Variants in SLC25A48 observed in about 807,000 individuals in gnomAD.
SLC25A48 encodes solute carrier family 25 member 48, also known as CTC-321K16.1.
A neutral mutation model predicts 32.2 loss-of-function variants in SLC25A48; 29 were observed. That is an observed-to-expected ratio of 0.90 (90% CI 0.67 to 1.23). The LOEUF (loss-of-function observed/expected upper bound fraction) is 1.23, where lower values mean the gene tolerates loss of function less well. Ranked by LOEUF, SLC25A48 falls within the 50% of genes most tolerant of loss-of-function variation. The pLI is 0.00. For missense variants in SLC25A48, 399 were observed against 422.7 expected, an observed-to-expected ratio of 0.94 and a Z score of 0.49; for synonymous variants, 164 against 172.3, an observed-to-expected ratio of 0.95 and a Z score of 0.38.
At chr5:135,708,935 T>A (rs1754587289) in intron 3 of SLC25A48, among the ~76,000 whole-genome samples, 1 of 152,226 alleles carries the variant, frequency 6.6e-6, no homozygotes, top group African/African-American at 2.4e-5. Context: ...ATATGACATT[T>A]GCTTTGCTTA....
intron 3 of SLC25A48, among the ~76,000 whole-genome samples, chr5:135,641,434 G>A (rs1216143577): frequency 6.6e-6 from 1 of 152,182 alleles, no homozygotes; most frequent in Non-Finnish European, 1.5e-5. Flanking sequence ...TGAGAAGAGG[G>A]ACTTGTGGGG....
At chr5:135,766,035 T>C (rs1184082283) in intron 3 of SLC25A48, among the ~76,000 whole-genome samples, 3 of 151,586 alleles carry the variant, frequency 2.0e-5, no homozygotes, top group Non-Finnish European at 4.4e-5. Context: ...ACAGGGGGTG[T>C]GCACCTCCCC....
intron 3 of SLC25A48, among the ~76,000 whole-genome samples, chr5:135,692,174 T>C (rs1313182674): frequency 6.6e-6 from 1 of 151,902 alleles, no homozygotes; most frequent in East Asian, 1.9e-4. Flanking sequence ...AAAAATCAGC[T>C]GGGTGTGGTG....
chr5:135,872,090 T>C, intron 5 of SLC25A48: 1 of 1,025,996 alleles, frequency 9.7e-7, no homozygotes, highest in Non-Finnish European at 1.3e-6. Context: ...GGTTTCCCCA[T>C]TTCACAGATG....
In SLC25A48 at chr5:135,852,473, G is replaced by C. The variant is rs1759951017; in HGVS notation, c.163-90G>C. 7.6e-6 allele frequency: 11 copies of C among 1,442,276 alleles called. No individual in the cohort carries two copies. In the South Asian group the frequency reaches 1.3e-4, roughly 17 times the overall value. The allele number at this position is 1,442,276 out of a possible 1,614,324, so 89.3% of individuals were successfully genotyped here. A position where few individuals can be genotyped will look rare whatever the true frequency, so the allele number is the denominator to read the frequency against. ...CCCTCTCTTCATGGACACATGGGCAGATGTGTCCGGTGGTGTACCCCGTCA... is the reference window on the plus strand; with the variant it reads ...CCCTCTCTTCATGGACACATGGGCACATGTGTCCGGTGGTGTACCCCGTCA... On this transcript the variant is annotated intron_variant, in intron 3 of 7. Coordinates refer to ENST00000681962, the MANE Select transcript of SLC25A48 (RefSeq NM_001349336.2).
intron 3 of SLC25A48, among the ~76,000 whole-genome samples, chr5:135,756,819 A>G (rs1755920475): frequency 6.6e-6 from 1 of 151,864 alleles, no homozygotes; most frequent in Non-Finnish European, 1.5e-5. Context: ...TATCATCTAG[A>G]TGATATTTAT....
chr5:135,600,612 T>G (rs554593211), intron 1 of SLC25A48, among the ~76,000 whole-genome samples: 1 of 152,216 alleles, frequency 6.6e-6, no homozygotes, highest in African/African-American at 2.4e-5. Flanking sequence ...TTTTTCACTG[T>G]TGTGTCCTCA....
intron 3 of SLC25A48, among the ~76,000 whole-genome samples, chr5:135,675,609 G>A (rs1264096962): frequency 1.3e-5 from 2 of 151,952 alleles, no homozygotes; most frequent in African/African-American, 4.8e-5. Flanking sequence ...CTATAATCTT[G>A]TAATATATTT....
intron 3 of SLC25A48, among the ~76,000 whole-genome samples, chr5:135,699,129 G>A (rs1754331947): frequency 1.3e-5 from 2 of 152,158 alleles, no homozygotes; most frequent in South Asian, 2.1e-4. Context: ...AAACGGTTTG[G>A]CAGCATATCT....
At chr5:135,659,786 A>G (rs1191352446) in intron 3 of SLC25A48, among the ~76,000 whole-genome samples, 3 of 152,348 alleles carry the variant, frequency 2.0e-5, no homozygotes, top group South Asian at 4.1e-4. Context: ...ACATCTTCAC[A>G]TAGCAGCAGG....
At position 135,728,486 on chromosome 5, in the gene SLC25A48, C is replaced by T. The variant is rs548478877; in HGVS notation, c.-520-84037C>T. Reference sequence around the variant, plus strand: ...ATTTTAAATCATTTCATACTATTCTCTTATGTGGATACAGCATCATTTATA... The same window carrying T: ...ATTTTAAATCATTTCATACTATTCTTTTATGTGGATACAGCATCATTTATA... On this transcript the variant is annotated intron_variant, in intron 3 of 10. Coordinates refer to the SLC25A48 transcript ENST00000646290. 3.9e-5 allele frequency among the ~76,000 whole-genome samples: 6 copies of T among 152,222 alleles called. No homozygotes were observed. In the South Asian group the frequency reaches 1.2e-3, roughly 32 times the overall value.
In SLC25A48 at chr5:135,668,590, T is replaced by C. The variant is rs535051476; in HGVS notation, c.-521+33634T>C. The stretch of plus-strand genomic sequence containing the variant: ...GTGGAACATAGACATGTATAAGCAC[T>C]GATGTTTTCCTTGAAGGACTCACTG... On this transcript the variant is annotated intron_variant, in intron 3 of 10. Coordinates refer to the SLC25A48 transcript ENST00000646290. Among the ~76,000 whole-genome samples the C allele has an allele frequency of 3.3e-5, 5 of 152,364 alleles. No homozygotes were observed. The East Asian group carries it at 9.6e-4, about 29-fold the overall frequency.
At chr5:135,713,977 C>A (rs944787294) in intron 3 of SLC25A48, among the ~76,000 whole-genome samples, 1 of 152,238 alleles carries the variant, frequency 6.6e-6, no homozygotes, top group African/African-American at 2.4e-5. Context: ...TGAAAGGAAG[C>A]AGCCCCAAAG....
At chr5:135,765,065 C>T (rs1756171978) in intron 3 of SLC25A48, among the ~76,000 whole-genome samples, 1 of 151,062 alleles carries the variant, frequency 6.6e-6, no homozygotes, top group Non-Finnish European at 1.5e-5. Context: ...TCGTAATATC[C>T]AGGGGGAGAA....
rs1237599113 is a variant in SLC25A48, at chr5:135,582,115, C to T, written c.-849+2518C>T. On this transcript the variant is annotated intron_variant, in intron 1 of 10. Transcript: ENST00000646290. ...TACTGGATTCTACAGAAGAGGTAGACGTGAAGTGTGGGGGCACAGAGGAGG... is the reference window on the plus strand; with the variant it reads ...TACTGGATTCTACAGAAGAGGTAGATGTGAAGTGTGGGGGCACAGAGGAGG... Among the ~76,000 whole-genome samples the T allele has an allele frequency of 3.9e-5, 6 of 152,274 alleles. No homozygotes were observed. In the East Asian group the frequency reaches 5.8e-4, roughly 15 times the overall value.
intron 3 of SLC25A48, among the ~76,000 whole-genome samples, chr5:135,640,413 G>A (rs777647466): frequency 1.7e-4 from 26 of 152,236 alleles, no homozygotes; most frequent in Admixed American, 5.9e-4. Context: ...CAAAAGATCA[G>A]CAAACCCCAA....
chr5:135,851,370 C>G (rs1252465354), intron 3 of SLC25A48, among the ~76,000 whole-genome samples: 1 of 152,184 alleles, frequency 6.6e-6, no homozygotes, highest in Non-Finnish European at 1.5e-5. Flanking sequence ...CTGTGGGAGT[C>G]CACAGTCCCC....
At chr5:135,676,554 C>G (rs769182475) in intron 3 of SLC25A48, among the ~76,000 whole-genome samples, 11 of 151,822 alleles carry the variant, frequency 7.2e-5, no homozygotes, top group Non-Finnish European at 1.0e-4. Flanking sequence ...CATCATTAGA[C>G]TGTTTATTTG....
intron 3 of SLC25A48, among the ~76,000 whole-genome samples, chr5:135,678,324 A>G (rs1242504409): frequency 6.6e-6 from 1 of 152,040 alleles, no homozygotes; most frequent in Non-Finnish European, 1.5e-5. Flanking sequence ...AAGCTTTCCA[A>G]TGTATTTTAC....
Sources: allele counts gnomAD v4.1 joint callset (sites outside exome capture counted in the v4.1 genomes callset), GRCh38; gene constraint gnomAD v4.1.1; transcripts MANE v1.5; gene names NCBI Gene and HGNC (gene_info 2026-07-23, HGNC 2026-07-21).